Variants in SYBU observed in about 807,000 individuals in gnomAD.
The protein encoded by SYBU is syntabulin.
SYBU carries 21 observed loss-of-function variants against 35.9 expected under a neutral mutation model. That is an observed-to-expected ratio of 0.58 (90% CI 0.41 to 0.84). SYBU has a LOEUF of 0.84. SYBU is among the 40% of genes least tolerant of loss of function. The pLI, the probability that SYBU is intolerant of heterozygous loss-of-function variation, is 0.00. For synonymous variants in SYBU, 319 were observed against 324.3 expected, an observed-to-expected ratio of 0.98 and a Z score of 0.18; for missense variants, 768 against 848.2, an observed-to-expected ratio of 0.91 and a Z score of 1.17.
chr8:109,680,874 T>C (rs1037089549), exon 1 of SYBU: 2 of 152,234 alleles, frequency 1.3e-5, no homozygotes, highest in African/African-American at 4.8e-5. Flanking sequence ...TCTGCACTAA[T>C]GTGTACTGCT....
rs114297613 is a variant in SYBU at position 109,582,512 on chromosome 8, C to T, written c.531-2510G>A. Reference sequence around the variant, plus strand: ...CAGTCCACAAAGAGGAAAGAAAATTCTGCTGACCCTGAACCCTTCTACAAA... The same window carrying T: ...CAGTCCACAAAGAGGAAAGAAAATTTTGCTGACCCTGAACCCTTCTACAAA... On this transcript the variant is annotated intron_variant, in intron 4 of 6. Coordinates refer to ENST00000276646, the MANE Select transcript of SYBU (RefSeq NM_001099754.2). Among the ~76,000 whole-genome samples, 1,086 of 152,310 alleles carry T rather than the reference C, an allele frequency of 7.1e-3. 8 individuals carry two copies. Among genetic ancestry groups the T allele is most frequent in the African/African-American group, 0.025 (1,030 of 41,566 alleles).
chr8:109,663,258 C>CATACATATAGATAGAT (rs1282405275), intron 1 of SYBU, among the ~76,000 whole-genome samples: 2,099 of 149,134 alleles, frequency 0.014, 51 homozygotes, highest in African/African-American at 0.048. Context: ...AAAATACATA[C>CATACATATAGATAGAT]AGATAGATAG....
intron 2 of SYBU, among the ~76,000 whole-genome samples, chr8:109,632,807 T>A (rs1242195938): frequency 7.9e-5 from 12 of 152,104 alleles, no homozygotes; most frequent in African/African-American, 2.9e-4. Flanking sequence ...CTCTGTAGAG[T>A]GACACGCCAC....
intron 1 of SYBU, among the ~76,000 whole-genome samples, chr8:109,686,925 A>ATC (rs1020852646): frequency 1.3e-5 from 2 of 152,098 alleles, no homozygotes; most frequent in African/African-American, 4.8e-5. Flanking sequence ...TTATTTTGTA[A>ATC]TCTCTCTCAC....
intron 2 of SYBU, among the ~76,000 whole-genome samples, chr8:109,628,926 A>G (rs1438279801): frequency 6.6e-6 from 1 of 152,314 alleles, no homozygotes; most frequent in East Asian, 1.9e-4. Flanking sequence ...ATTGTCATAG[A>G]AGGCTCCTGA....
At chr8:109,677,104 T>C (rs978117187) in intron 1 of SYBU, among the ~76,000 whole-genome samples, 1 of 152,016 alleles carries the variant, frequency 6.6e-6, no homozygotes, top group African/African-American at 2.4e-5. Flanking sequence ...GTTGGTTTGT[T>C]GGATAGAGGC....
intron 3 of SYBU, among the ~76,000 whole-genome samples, chr8:109,610,668 T>C (rs1811072903): frequency 6.6e-6 from 1 of 152,212 alleles, no homozygotes; most frequent in Non-Finnish European, 1.5e-5. Flanking sequence ...TACTATGCTG[T>C]TCAACAGGTA....
chr8:109,669,866 G>A (rs557679526), intron 1 of SYBU, among the ~76,000 whole-genome samples: 30 of 152,318 alleles, frequency 2.0e-4, no homozygotes, highest in African/African-American at 7.0e-4. Context: ...CCATACATGT[G>A]TGAGCAATCG....
rs1822536673 is a variant in SYBU at position 109,577,904 on chromosome 8, G to A, written c.848C>T (p.Thr283Ile). Residue 283 changes from threonine (T) to isoleucine (I), a missense_variant, in exon 6 of 7, where the codon ACC becomes ATC. Transcript: ENST00000276646. Reference sequence around the variant, plus strand: ...TCGGCGCTCAGATTCCTTCAGCTTGGTTTTGAGGTGTCTCACTGTCACCTC... The same window carrying A: ...TCGGCGCTCAGATTCCTTCAGCTTGATTTTGAGGTGTCTCACTGTCACCTC... ...QKEVTVRHLK[T>I]KLKESERRLH... 18 of 1,613,684 alleles carry A rather than the reference G, an allele frequency of 1.1e-5. No homozygotes were observed. Among genetic ancestry groups the A allele is most frequent in the African/African-American group, 1.3e-5 (1 of 74,900 alleles).
chr8:109,652,069 G>A (rs1272586778), intron 1 of SYBU, among the ~76,000 whole-genome samples: 1 of 152,026 alleles, frequency 6.6e-6, no homozygotes, highest in African/African-American at 2.4e-5. Context: ...CACTAGTTCC[G>A]AAGTATTCAA....
rs575018445 is a variant in SYBU at position 109,651,029 on chromosome 8, C to T, written c.-129+29682G>A. Among the ~76,000 whole-genome samples the T allele has an allele frequency of 8.9e-4, 136 of 152,278 alleles. 1 individual carries two copies. The highest frequency in any genetic ancestry group is 2.9e-3 in the African/African-American group (122 of 41,556). ...GCATATGGCAAGTGAAGTTACTACT[C>T]CCTTCTGTCTTTTCTCAGATTATCA... On this transcript the variant is annotated intron_variant, in intron 1 of 5. Transcript: ENST00000408889.
At chr8:109,655,674 G>C (rs528535311) in intron 1 of SYBU, among the ~76,000 whole-genome samples, 4 of 152,112 alleles carry the variant, frequency 2.6e-5, no homozygotes, top group South Asian at 4.2e-4. Context: ...CCACTTATTG[G>C]ATTTTTAGTA....
intron 2 of SYBU, among the ~76,000 whole-genome samples, chr8:109,631,822 G>A (rs763747941): frequency 2.6e-5 from 4 of 152,022 alleles, no homozygotes; most frequent in Non-Finnish European, 4.4e-5. Flanking sequence ...TCTTTCATAC[G>A]GTTATGATCT....
chr8:109,620,411 A>G (rs73317085), intron 2 of SYBU, among the ~76,000 whole-genome samples: 1,641 of 152,322 alleles, frequency 0.011, 27 homozygotes, highest in African/African-American at 0.036. Context: ...AAAGATAGAA[A>G]CAGAACTAAG....
chr8:109,595,443 T>C (rs531171527), intron 3 of SYBU, among the ~76,000 whole-genome samples: 1 of 152,318 alleles, frequency 6.6e-6, no homozygotes, highest in African/African-American at 2.4e-5. Context: ...GAATAACACA[T>C]GGTGAGAGCT....
chr8:109,629,926 G>A (rs1004429725), intron 2 of SYBU, among the ~76,000 whole-genome samples: 1 of 151,528 alleles, frequency 6.6e-6, no homozygotes, highest in African/African-American at 2.4e-5. Flanking sequence ...TGTGTTTTTT[G>A]GCTGCATAAA....
Position 109,575,475 on chromosome 8 carries a change from T to A in SYBU, c.1423A>T (p.Met475Leu). Residue 475 changes from methionine to leucine, a missense_variant, in exon 7 of 7, where the codon ATG (methionine) becomes TTG (leucine). Transcript: ENST00000276646. ...ACCACACTGCCCTCCTCCTGACCCA[T>A]GACTATGGGCAGCAGCTCCAGGACG... The part of the protein sequence containing the change: ...ANVLELLPIV[M>L]GQEEGSVVVE... 1 of 1,614,068 alleles carries A rather than the reference T, an allele frequency of 6.2e-7. No homozygotes were observed. Among genetic ancestry groups the A allele is most frequent in the South Asian group, 1.1e-5 (1 of 91,070 alleles).
At chr8:109,690,533 C>T (rs1483168147) in intron 1 of SYBU, among the ~76,000 whole-genome samples, 1 of 152,170 alleles carries the variant, frequency 6.6e-6, no homozygotes, top group African/African-American at 2.4e-5. Flanking sequence ...GCAAGAGGAA[C>T]CTAGCAGTGG....
At chr8:109,594,459 A>AT (rs1824633532) in intron 3 of SYBU, among the ~76,000 whole-genome samples, 1 of 152,184 alleles carries the variant, frequency 6.6e-6, no homozygotes, top group African/African-American at 2.4e-5. Context: ...AGATGACATA[A>AT]TTCACAACTC....
Sources: allele counts gnomAD v4.1 joint callset (sites outside exome capture counted in the v4.1 genomes callset), GRCh38; gene constraint gnomAD v4.1.1; transcripts MANE v1.5; gene names NCBI Gene and HGNC (gene_info 2026-07-23, HGNC 2026-07-21).